Variants in NAV2 observed in about 807,000 individuals in gnomAD.
NAV2 encodes neuron navigator 2, also known as helicase, APC down-regulated 1.
Under a neutral mutation model 223.2 loss-of-function variants are expected in NAV2, and 54 were observed. The ratio of observed to expected loss-of-function variants is 0.24; its 90% CI spans 0.19 to 0.30. NAV2 has a LOEUF of 0.30. Among genes scored for constraint, NAV2 ranks in the 10% least tolerant of loss-of-function variants. The probability of loss-of-function intolerance (pLI) is 1.00; values close to 1 mark genes in which losing one functional copy is unlikely to be tolerated. For missense variants in NAV2, 2,806 were observed against 3,147.5 expected (o/e 0.89, Z 2.60); for synonymous variants, 1,279 against 1,239.3 (o/e 1.03, Z -0.67).
chr11:19,617,244 C>A (rs1356461077), intron 1 of NAV2, among the ~76,000 whole-genome samples: 1 of 152,158 alleles, frequency 6.6e-6, no homozygotes. Flanking sequence ...TTTCTTTTAG[C>A]TTCCTATAAC....
At chr11:19,794,039 T>C (rs904678684) in intron 1 of NAV2, among the ~76,000 whole-genome samples, 2 of 152,214 alleles carry the variant, frequency 1.3e-5, no homozygotes, top group African/African-American at 4.8e-5. Context: ...GTATGTTTAC[T>C]TGTTTATCAT....
At chr11:19,860,753 G>A (rs1262170987) in intron 3 of NAV2, among the ~76,000 whole-genome samples, 1 of 152,140 alleles carries the variant, frequency 6.6e-6, no homozygotes, top group East Asian at 1.9e-4. Context: ...TGAGCACTGA[G>A]TGAAGGAGAC....
At chr11:19,669,327 A>G (rs1480108031) in intron 1 of NAV2, among the ~76,000 whole-genome samples, 7 of 152,208 alleles carry the variant, frequency 4.6e-5, no homozygotes, top group Non-Finnish European at 7.3e-5. Flanking sequence ...AAAGCCTCAG[A>G]TGGCCTTTCT....
At chr11:19,519,573 A>T (rs2043576739) in intron 1 of NAV2, among the ~76,000 whole-genome samples, 1 of 152,156 alleles carries the variant, frequency 6.6e-6, no homozygotes, top group Non-Finnish European at 1.5e-5. Context: ...GTGCTCTGTA[A>T]CTAGTTGCTG....
intron 1 of NAV2, among the ~76,000 whole-genome samples, chr11:19,657,790 G>A (rs1342794177): frequency 2.0e-5 from 3 of 152,166 alleles, no homozygotes; most frequent in African/African-American, 7.2e-5. Flanking sequence ...AGTCTTGAGA[G>A]GATGAGACAA....
intron 20 of NAV2, among the ~76,000 whole-genome samples, chr11:20,064,990 C>G (rs1191916699): frequency 6.6e-6 from 1 of 152,074 alleles, no homozygotes; most frequent in Non-Finnish European, 1.5e-5. Context: ...CATTTACTGT[C>G]CTCAGTATGC....
intron 1 of NAV2, among the ~76,000 whole-genome samples, chr11:19,523,493 G>A (rs2043739419): frequency 6.6e-6 from 1 of 152,206 alleles, no homozygotes; most frequent in South Asian, 2.1e-4. Context: ...CAAAACATCT[G>A]GGTGGTGGCA....
At chr11:19,686,499 T>C (rs893615893) in intron 1 of NAV2, among the ~76,000 whole-genome samples, 9 of 152,206 alleles carry the variant, frequency 5.9e-5, no homozygotes, top group Non-Finnish European at 1.0e-4. Context: ...GGGTTGCCTG[T>C]TCATTTCTCC....
chr11:19,462,269 G>A (rs1590248964), intron 1 of NAV2, among the ~76,000 whole-genome samples: 1 of 152,186 alleles, frequency 6.6e-6, no homozygotes, highest in East Asian at 1.9e-4. Flanking sequence ...CAATAGGTCT[G>A]GGTAGGGCCT....
intron 1 of NAV2, among the ~76,000 whole-genome samples, chr11:19,435,681 A>G (rs1851189136): frequency 6.6e-6 from 1 of 152,228 alleles, no homozygotes; most frequent in South Asian, 2.1e-4. Context: ...ACTGATTTAC[A>G]GTACCACCAA....
chr11:20,070,029 G>A (rs1467838990), intron 22 of NAV2, among the ~76,000 whole-genome samples: 3 of 152,056 alleles, frequency 2.0e-5, no homozygotes, highest in African/African-American at 7.2e-5. Flanking sequence ...CCTAACGTAG[G>A]AGACCACAAC....
intron 1 of NAV2, among the ~76,000 whole-genome samples, chr11:19,736,552 T>G (rs192678475): frequency 6.6e-6 from 1 of 152,326 alleles, no homozygotes; most frequent in Admixed American, 6.5e-5. Flanking sequence ...TTGTCAGCAT[T>G]AAATACCCAG....
chr11:19,585,489 T>A (rs1038057047), intron 1 of NAV2, among the ~76,000 whole-genome samples: 1 of 152,212 alleles, frequency 6.6e-6, no homozygotes, highest in African/African-American at 2.4e-5. Flanking sequence ...GTCTTTACAA[T>A]TTGGCGTGTT....
intron 1 of NAV2, among the ~76,000 whole-genome samples, chr11:19,618,671 G>T (rs914208452): frequency 1.3e-5 from 2 of 152,136 alleles, no homozygotes; most frequent in African/African-American, 4.8e-5. Flanking sequence ...TGCAGATGGG[G>T]CCAGACAAAG....
At chr11:19,587,408 C>T (rs542078603) in intron 1 of NAV2, among the ~76,000 whole-genome samples, 3 of 152,192 alleles carry the variant, frequency 2.0e-5, no homozygotes, top group Non-Finnish European at 1.5e-5. Context: ...TGACACTCCT[C>T]AGTGAGATGA....
intron 10 of NAV2, among the ~76,000 whole-genome samples, chr11:19,969,774 C>T (rs1172802605): frequency 6.6e-6 from 1 of 151,926 alleles, no homozygotes; most frequent in Non-Finnish European, 1.5e-5. Context: ...AACCCCATCT[C>T]TACTAAAAAT....
In NAV2 at chr11:19,716,308, CA is replaced by C. The variant is rs1237438817; in HGVS notation, c.267+2347del. Among the ~76,000 whole-genome samples the C allele has an allele frequency of 5.3e-5, 8 of 152,212 alleles. No individual in the cohort carries two copies. The East Asian group carries it at 1.5e-3, about 29-fold the overall frequency. ...GGTATCGCTGGTGTCTTGCGTCTGT[CA>C]TATACTAGCTAGGTGACCACCTTGA... On this transcript the variant is annotated intron_variant, in intron 1 of 37. Transcript: ENST00000349880.
At chr11:19,699,891 T>G (rs1361740160) in intron 1 of NAV2, among the ~76,000 whole-genome samples, 1 of 152,134 alleles carries the variant, frequency 6.6e-6, no homozygotes, top group Non-Finnish European at 1.5e-5. Flanking sequence ...CCTGGTCCAT[T>G]GTGGATGCCC....
intron 1 of NAV2, among the ~76,000 whole-genome samples, chr11:19,630,718 A>G (rs540434542): frequency 6.6e-6 from 1 of 152,214 alleles, no homozygotes; most frequent in East Asian, 1.9e-4. Context: ...GAGACAAAAA[A>G]TATAAAAATT....
Sources: allele counts gnomAD v4.1 joint callset (sites outside exome capture counted in the v4.1 genomes callset), GRCh38; gene constraint gnomAD v4.1.1; transcripts MANE v1.5; gene names NCBI Gene and HGNC (gene_info 2026-07-23, HGNC 2026-07-21).